TLN2: variants seen among roughly 807,000 people sequenced by gnomAD.
The protein encoded by TLN2 is talin-2.
TLN2 carries 118 observed loss-of-function variants against 294.7 expected under a neutral mutation model. That is an observed-to-expected ratio of 0.40 (90% CI 0.34 to 0.47). TLN2 has a LOEUF of 0.47. Ranked by LOEUF, TLN2 falls within the 20% of genes least tolerant of loss-of-function variation. The pLI, the probability that TLN2 is intolerant of heterozygous loss-of-function variation, is 0.84. For missense variants in TLN2, 3,083 were observed against 3,282.2 expected, an observed-to-expected ratio of 0.94 and a Z score of 1.48; for synonymous variants, 1,431 against 1,304.5, an observed-to-expected ratio of 1.10 and a Z score of -2.09.
At chr15:62,817,999 G>A (rs977269549) in intron 52 of TLN2, among the ~76,000 whole-genome samples, 10 of 151,616 alleles carry the variant, frequency 6.6e-5, no homozygotes, top group Non-Finnish European at 1.5e-4. Flanking sequence ...TAATAGAGAC[G>A]GAGCTTCACC....
In TLN2 at chr15:62,656,124, A is replaced by AT. The variant is rs769112926; in HGVS notation, c.660+40dup. 1.0e-5 allele frequency: 16 copies of AT among 1,604,422 alleles called. No individual in the cohort carries two copies. The East Asian group carries it at 2.9e-4, about 29-fold the overall frequency. ...CTGCTCAGACACTGAGGTTGGTGAGATTGCAGGAAGCTCCTGGCTGTATCT... is the reference window on the plus strand; with the variant it reads ...CTGCTCAGACACTGAGGTTGGTGAGATTTGCAGGAAGCTCCTGGCTGTATCT... On this transcript the variant is annotated intron_variant, in intron 8 of 58. Transcript: ENST00000636159.
chr15:62,688,485 T>C (rs2057486798), intron 12 of TLN2, among the ~76,000 whole-genome samples: 1 of 152,200 alleles, frequency 6.6e-6, no homozygotes, highest in African/African-American at 2.4e-5. Context: ...GCTATTATCA[T>C]GTAAAGTGGG....
At position 62,766,409 on chromosome 15, in the gene TLN2, A is replaced by G; in HGVS notation, c.5183A>G (p.Gln1728Arg). 3 of 1,611,386 alleles carry G rather than the reference A, an allele frequency of 1.9e-6. No homozygotes were observed. The highest frequency in any genetic ancestry group is 2.5e-6 in the Non-Finnish European group (3 of 1,177,690). Reference protein sequence around the residue: ...IATAARGEAAQLGHKVTQLAS... With the variant: ...IATAARGEAARLGHKVTQLAS... ...ACAGCGGCTCGGGGAGAAGCAGCTC[A>G]GCTGGGACATAAGGTAATGCACACC... The change falls in exon 41 of 59, where the codon CAG becomes CGG. Residue 1728 changes from glutamine to arginine, a missense_variant. Coordinates refer to ENST00000636159, the MANE Select transcript of TLN2 (RefSeq NM_015059.3).
intron 45 of TLN2, among the ~76,000 whole-genome samples, chr15:62,787,008 A>G (rs1043834500): frequency 2.6e-5 from 4 of 152,114 alleles, no homozygotes; most frequent in Non-Finnish European, 1.5e-5. Flanking sequence ...AGTCTTAAGC[A>G]ATCCTCCCAC....
intron 12 of TLN2, among the ~76,000 whole-genome samples, chr15:62,690,614 G>A (rs1381366184): frequency 6.7e-6 from 1 of 148,552 alleles, no homozygotes; most frequent in East Asian, 2.0e-4. Context: ...ACGGGGTGGC[G>A]GCCGGGCAGA....
chr15:62,684,403 A>C (rs1479410992), intron 11 of TLN2, among the ~76,000 whole-genome samples: 3 of 152,182 alleles, frequency 2.0e-5, no homozygotes, highest in African/African-American at 7.2e-5. Context: ...GCCAAAGTAG[A>C]TTAACTGACA....
intron 55 of TLN2, chr15:62,835,134 C>G (rs886992269): frequency 6.5e-6 from 1 of 152,752 alleles, no homozygotes; most frequent in Non-Finnish European, 1.5e-5. Flanking sequence ...GTGGCTTCTC[C>G]CTCTGGATGT....
intron 1 of TLN2, among the ~76,000 whole-genome samples, chr15:62,582,332 C>G (rs145738829): frequency 2.1e-3 from 314 of 152,064 alleles, no homozygotes; most frequent in Non-Finnish European, 2.8e-3. Context: ...CTTGGAGTCA[C>G]TATTTTTCAG....
chr15:62,580,330 A>G (rs190386479), intron 1 of TLN2, among the ~76,000 whole-genome samples: 1 of 152,150 alleles, frequency 6.6e-6, no homozygotes, highest in Admixed American at 6.5e-5. Context: ...ATAGTTGATG[A>G]ACCTATATTG....
intron 10 of TLN2, among the ~76,000 whole-genome samples, chr15:62,674,597 G>A (rs2055926734): frequency 6.7e-6 from 1 of 148,156 alleles, no homozygotes; most frequent in Admixed American, 6.9e-5. Flanking sequence ...CCCCCGCCCT[G>A]TTCAAGTGAT....
At position 62,683,454 on chromosome 15, in the gene TLN2, T is replaced by C. The variant is rs2057015716; in HGVS notation, c.958-3187T>C. ...ATTCTCCCGCCTCTCATTGGTAGAA[T>C]GCCTGCATTCTCCCGCCTCTCATTG... On this transcript the variant is annotated intron_variant, in intron 11 of 58. Coordinates refer to ENST00000636159, the MANE Select transcript of TLN2 (RefSeq NM_015059.3). Among the ~76,000 whole-genome samples, 3 of 147,628 alleles carry C rather than the reference T, an allele frequency of 2.0e-5. No homozygotes were observed. The South Asian group carries it at 6.8e-4, about 33-fold the overall frequency.
chr15:62,836,007 G>A lies in TLN2; in HGVS notation c.7308G>A (p.Thr2436=), dbSNP rs199741636. The A allele has an allele frequency of 6.9e-5, 112 of 1,613,292 alleles. No homozygotes were observed. The highest frequency in any genetic ancestry group is 8.5e-5 in the Non-Finnish European group (100 of 1,179,732). ...CTGCCAAGCAGGTCGCCGCTTCCACGGCTCAGCTGCTGGTGGCCTGCAAGG... is the reference window on the plus strand; with the variant it reads ...CTGCCAAGCAGGTCGCCGCTTCCACAGCTCAGCTGCTGGTGGCCTGCAAGG... ...ISSAKQVAAS[T]AQLLVACKVK... is the part of the protein sequence containing the mutation. The change falls in exon 57 of 59, where the codon ACG becomes ACA. Residue 2436 remains threonine (T), a synonymous_variant. Coordinates refer to ENST00000636159, the MANE Select transcript of TLN2 (RefSeq NM_015059.3).
intron 46 of TLN2, among the ~76,000 whole-genome samples, chr15:62,793,531 C>T (rs1315930527): frequency 2.0e-5 from 3 of 152,164 alleles, no homozygotes; most frequent in Non-Finnish European, 2.9e-5. Context: ...GCCAGACACA[C>T]AGTTACACAT....
At chr15:62,749,873 T>C (rs934793147) in intron 33 of TLN2, among the ~76,000 whole-genome samples, 3 of 152,184 alleles carry the variant, frequency 2.0e-5, no homozygotes, top group Admixed American at 1.3e-4. Flanking sequence ...ACAAGAAACG[T>C]TTTCTATACT....
intron 2 of TLN2, among the ~76,000 whole-genome samples, chr15:62,605,202 T>C (rs769657318): frequency 7.9e-5 from 12 of 152,112 alleles, no homozygotes; most frequent in Non-Finnish European, 1.3e-4. Context: ...TGAATTACAG[T>C]GTAGGTTTAA....
At chr15:62,701,690 G>C (rs1461340305) in intron 17 of TLN2, among the ~76,000 whole-genome samples, 1 of 152,218 alleles carries the variant, frequency 6.6e-6, no homozygotes, top group Non-Finnish European at 1.5e-5. Context: ...TTCAGGAGCA[G>C]AGTTGACCCC....
chr15:62,734,769 T>G (rs1188700491), intron 28 of TLN2, among the ~76,000 whole-genome samples: 1 of 152,246 alleles, frequency 6.6e-6, no homozygotes, highest in Non-Finnish European at 1.5e-5. Context: ...CTGTGTGATT[T>G]ACTAAATATT....
rs563246671 is a variant in TLN2, at chr15:62,606,082, A to AT, written c.-161-12259dup. 1.8e-3 allele frequency among the ~76,000 whole-genome samples: 266 copies of AT among 144,820 alleles called. 1 individual carries two copies. The highest frequency in any genetic ancestry group is 3.5e-3 in the Middle Eastern group (1 of 282). ...AGACAGTGTTTACCATTTCAAAAAG[A>AT]TTTTTTTTTTGTTTTTTGAGACGGA... On this transcript the variant is annotated intron_variant, in intron 2 of 58. Coordinates refer to ENST00000636159, the MANE Select transcript of TLN2 (RefSeq NM_015059.3).
rs544569184 is a variant in TLN2, at chr15:62,468,736, C to G, written c.-238+78051C>G. On this transcript the variant is annotated intron_variant, in intron 1 of 58. Coordinates refer to ENST00000636159, the MANE Select transcript of TLN2 (RefSeq NM_015059.3). The stretch of plus-strand genomic sequence containing the variant: ...CTCCAGCCTGGGCGACAGAGCTAGA[C>G]TCTGTCTCAAAAAAAAAATAAAAAT... Among the ~76,000 whole-genome samples the G allele has an allele frequency of 2.2e-3, 316 of 142,870 alleles. 1 individual carries two copies. The highest frequency in any genetic ancestry group is 8.0e-3 in the African/African-American group (308 of 38,306). The allele number at this position is 142,870 out of a possible 152,430, so 93.7% of individuals were successfully genotyped here.
Sources: gnomAD v4.1 joint callset for allele counts (sites outside exome capture counted in the v4.1 genomes callset) on GRCh38, gnomAD v4.1.1 for gene constraint, MANE v1.5 for transcripts, NCBI Gene and HGNC (gene_info 2026-07-23, HGNC 2026-07-21) for gene names.